Variants in DPH6 observed in about 807,000 individuals in gnomAD.
DPH6 encodes the protein diphthine--ammonia ligase.
DPH6 carries 33 observed loss-of-function variants against 38.2 expected under a neutral mutation model. That is an observed-to-expected ratio of 0.86 (90% CI 0.65 to 1.15). The LOEUF (loss-of-function observed/expected upper bound fraction) is 1.15. Ranked by LOEUF, DPH6 falls within the 50% of genes most tolerant of loss-of-function variation. DPH6 has a pLI of 0.00. For missense variants in DPH6, 325 were observed against 320.0 expected, an observed-to-expected ratio of 1.02 and a Z score of -0.12; for synonymous variants, 108 against 103.0, an observed-to-expected ratio of 1.05 and a Z score of -0.30.
chr15:35,351,498 G>T (rs994298701), intron 3 of DPH6, among the ~76,000 whole-genome samples: 1 of 151,864 alleles, frequency 6.6e-6, no homozygotes, highest in Non-Finnish European at 1.5e-5. Context: ...TTCTCATGTT[G>T]ACTTGTGATT....
At chr15:35,294,153 C>T (rs900731006) in intron 3 of DPH6, among the ~76,000 whole-genome samples, 5 of 152,160 alleles carry the variant, frequency 3.3e-5, no homozygotes, top group Non-Finnish European at 1.5e-5. Flanking sequence ...TTCGAAAATG[C>T]TGTAATGCCA....
intron 3 of DPH6, among the ~76,000 whole-genome samples, chr15:35,292,876 A>T (rs2051989301): frequency 6.6e-6 from 1 of 152,056 alleles, no homozygotes; most frequent in Admixed American, 6.6e-5. Context: ...GTTTACTTTG[A>T]ATATAACATT....
At chr15:35,400,706 T>C in intron 6 of DPH6, 3 of 684,736 alleles carry the variant, frequency 4.4e-6, no homozygotes. Flanking sequence ...TAAGTCAGAG[T>C]CTCCAAAAGG....
At chr15:35,459,683 G>A (rs954675951) in intron 3 of DPH6, among the ~76,000 whole-genome samples, 1 of 152,010 alleles carries the variant, frequency 6.6e-6, no homozygotes, top group African/African-American at 2.4e-5. Context: ...AGACACCGGG[G>A]GTACACCAAC....
At chr15:35,182,450 T>C in the DPH6 span, among the ~76,000 whole-genome samples, 1 of 151,942 alleles carries the variant, frequency 6.6e-6, no homozygotes, top group Non-Finnish European at 1.5e-5. Context: ...ATGATAATGG[T>C]GAGGATTATT....
At chr15:35,428,618 C>T (rs2053596783) in intron 5 of DPH6, among the ~76,000 whole-genome samples, 1 of 152,116 alleles carries the variant, frequency 6.6e-6, no homozygotes, top group Admixed American at 6.6e-5. Flanking sequence ...CTATGCCACA[C>T]ACGCTAAGAC....
At chr15:35,540,473 G>A (rs2055236214) in intron 2 of DPH6, among the ~76,000 whole-genome samples, 1 of 152,024 alleles carries the variant, frequency 6.6e-6, no homozygotes, top group Admixed American at 6.6e-5. Flanking sequence ...AGGAAAATAA[G>A]TCATTCAGTG....
At chr15:35,306,950 G>A (rs1250283743) in intron 3 of DPH6, among the ~76,000 whole-genome samples, 1 of 152,170 alleles carries the variant, frequency 6.6e-6, no homozygotes, top group Non-Finnish European at 1.5e-5. Context: ...TTCAGAGCGA[G>A]GTGGCCGAGA....
intron 1 of DPH6, among the ~76,000 whole-genome samples, chr15:35,544,006 CAACAA>C (rs2055304261): frequency 6.6e-6 from 1 of 152,028 alleles, no homozygotes; most frequent in Admixed American, 6.6e-5. Flanking sequence ...CACTGGTGTC[CAACAA>C]AATACTAACC....
intron 3 of DPH6, among the ~76,000 whole-genome samples, chr15:35,318,765 C>T (rs1048832263): frequency 2.6e-5 from 4 of 151,928 alleles, no homozygotes; most frequent in African/African-American, 9.7e-5. Context: ...CAGTTAAAAA[C>T]TGTAAAATAA....
intron 6 of DPH6, among the ~76,000 whole-genome samples, chr15:35,393,999 T>C (rs1336464040): frequency 2.6e-5 from 4 of 152,268 alleles, no homozygotes; most frequent in African/African-American, 9.6e-5. Flanking sequence ...ATACCACTTA[T>C]GTCTCAAATC....
chr15:35,165,404 C>T, the DPH6 span, among the ~76,000 whole-genome samples: 1 of 151,742 alleles, frequency 6.6e-6, no homozygotes, highest in Non-Finnish European at 1.5e-5. Context: ...TTTTAAAAGC[C>T]ATATAAAAAT....
intron 3 of DPH6, among the ~76,000 whole-genome samples, chr15:35,509,546 T>C (rs1161162269): frequency 6.6e-6 from 1 of 152,172 alleles, no homozygotes. Flanking sequence ...TGTAACATTA[T>C]CACAAATAAT....
intron 3 of DPH6, among the ~76,000 whole-genome samples, chr15:35,304,975 AG>A (rs2052078320): frequency 6.6e-6 from 1 of 152,076 alleles, no homozygotes; most frequent in African/African-American, 2.4e-5. Context: ...CTAGTCACAG[AG>A]GGACACTTTT....
At chr15:35,519,275 A>C (rs1294422264) in intron 3 of DPH6, 2 of 152,012 alleles carry the variant, frequency 1.3e-5, no homozygotes, top group African/African-American at 4.8e-5. Context: ...AATGTCATGT[A>C]TAACGACTGG....
rs1223205460 is a variant in DPH6, at chr15:35,285,613, GA to G, written n.201-65032del. ...TTGAGTATGTCTTTATGAGCAGTGT[GA>G]AAATGGAATAACACACCATTTTTCT... On this transcript the variant is annotated intron_variant and non_coding_transcript_variant, in intron 3 of 3. Coordinates refer to the DPH6 transcript ENST00000560386. 3.9e-5 allele frequency among the ~76,000 whole-genome samples: 6 copies of G among 152,044 alleles called. No individual in the cohort carries two copies. The South Asian group carries it at 1.2e-3, about 32-fold the overall frequency.
At chr15:35,224,556 T>A (rs950742281) in intron 3 of DPH6, among the ~76,000 whole-genome samples, 5 of 152,242 alleles carry the variant, frequency 3.3e-5, no homozygotes, top group African/African-American at 4.8e-5. Flanking sequence ...TTTTAATAAA[T>A]GTAAGTTTCA....
the DPH6 span, among the ~76,000 whole-genome samples, chr15:35,150,848 G>A: frequency 2.0e-5 from 3 of 152,100 alleles, no homozygotes; most frequent in South Asian, 2.1e-4. Flanking sequence ...CCAAAAATTC[G>A]AATTTCCGTT....
At chr15:35,307,255 A>G (rs1324740782) in intron 3 of DPH6, among the ~76,000 whole-genome samples, 1 of 152,134 alleles carries the variant, frequency 6.6e-6, no homozygotes, top group Non-Finnish European at 1.5e-5. Flanking sequence ...CCCTGAGAAG[A>G]GCACATCATC....
Sources: gnomAD v4.1 joint callset for allele counts (sites outside exome capture counted in the v4.1 genomes callset) on GRCh38, gnomAD v4.1.1 for gene constraint, MANE v1.5 for transcripts, NCBI Gene and HGNC (gene_info 2026-07-23, HGNC 2026-07-21) for gene names.